CCDC102B: variants seen among roughly 807,000 people sequenced by gnomAD.
The protein encoded by CCDC102B is coiled-coil domain-containing protein 102B.
A neutral mutation model predicts 57.4 loss-of-function variants in CCDC102B; 75 were observed. The observed-to-expected ratio is 1.31, with a 90% confidence interval of 1.08 to 1.58. CCDC102B has a LOEUF of 1.58. Among genes scored for constraint, CCDC102B ranks in the 40% most tolerant of loss-of-function variants. CCDC102B has a pLI of 0.00. For synonymous variants in CCDC102B, 206 were observed against 201.9 expected (o/e 1.02, Z -0.17); for missense variants, 636 against 582.6 (o/e 1.09, Z -0.94).
intron 4 of CCDC102B, among the ~76,000 whole-genome samples, chr18:68,874,421 A>G (rs1463151931): frequency 1.3e-5 from 2 of 151,554 alleles, no homozygotes; most frequent in East Asian, 1.9e-4. Flanking sequence ...AGTTATGCCT[A>G]TTTTTCAACT....
Position 68,954,195 on chromosome 18 carries a change from G to A in CCDC102B, c.1264-56739G>A, listed in dbSNP as rs949043161. On this transcript the variant is annotated intron_variant, in intron 6 of 7. Coordinates refer to ENST00000360242, the MANE Select transcript of CCDC102B (RefSeq NM_024781.3). ...AGCACTTTGGGAGGCCAAGGCGGGC[G>A]GATCACCTGAGGTCAGGAGTTTGAG... 9.2e-5 allele frequency among the ~76,000 whole-genome samples: 14 copies of A among 152,182 alleles called. 1 individual carries two copies. The highest frequency in any genetic ancestry group is 2.1e-4 in the Non-Finnish European group (14 of 67,998).
chr18:68,841,109 G>T (rs2037610840), intron 3 of CCDC102B, among the ~76,000 whole-genome samples: 1 of 152,094 alleles, frequency 6.6e-6, no homozygotes. Context: ...TATCACAAGA[G>T]AACATTTTCC....
chr18:68,949,421 C>T lies in CCDC102B; in HGVS notation c.1263+51993C>T, dbSNP rs185398625. Among the ~76,000 whole-genome samples, 554 of 152,106 alleles carry T rather than the reference C, an allele frequency of 3.6e-3. 1 individual carries two copies. Among genetic ancestry groups the T allele is most frequent in the Non-Finnish European group, 5.4e-3 (364 of 67,994 alleles). The stretch of plus-strand genomic sequence containing the variant: ...GAGGCAATGATCTTTGCAAATATCC[C>T]GACAAGGGCAGTTTCCTGTAGAAGC... On this transcript the variant is annotated intron_variant, in intron 6 of 7. Coordinates refer to ENST00000360242, the MANE Select transcript of CCDC102B (RefSeq NM_024781.3).
chr18:68,966,146 C>T (rs1265469107), intron 6 of CCDC102B, among the ~76,000 whole-genome samples: 3 of 152,094 alleles, frequency 2.0e-5, no homozygotes, highest in Non-Finnish European at 4.4e-5. Flanking sequence ...TTTTTTTAAA[C>T]ATTCTCTTAT....
intron 6 of CCDC102B, among the ~76,000 whole-genome samples, chr18:68,906,930 T>TATACTTTG (rs1346435855): frequency 1.3e-5 from 2 of 151,978 alleles, no homozygotes. Context: ...CTGATACTTT[T>TATACTTTG]ATACTTTTAC....
At chr18:68,759,510 T>C (rs568069497) in intron 2 of CCDC102B, among the ~76,000 whole-genome samples, 109 of 152,086 alleles carry the variant, frequency 7.2e-4, no homozygotes, top group African/African-American at 2.5e-3. Context: ...AGATTAAGAA[T>C]CACATCAGAC....
intron 1 of CCDC102B, among the ~76,000 whole-genome samples, chr18:68,820,911 G>A (rs1734906328): frequency 6.6e-6 from 1 of 152,162 alleles, no homozygotes; most frequent in Non-Finnish European, 1.5e-5. Context: ...CCAGTGCTCA[G>A]AGATTACAGC....
chr18:69,046,848 A>C (rs1411741794), intron 7 of CCDC102B, among the ~76,000 whole-genome samples: 1 of 152,154 alleles, frequency 6.6e-6, no homozygotes, highest in East Asian at 1.9e-4. Flanking sequence ...TTTATTCAAT[A>C]GAGAGTCCTT....
At chr18:68,858,741 G>A (rs959000635) in intron 4 of CCDC102B, among the ~76,000 whole-genome samples, 1 of 152,034 alleles carries the variant, frequency 6.6e-6, no homozygotes, top group African/African-American at 2.4e-5. Flanking sequence ...TTTCTACCTT[G>A]CCACAGAGAA....
At chr18:68,777,566 C>A (rs2034864560) in intron 2 of CCDC102B, among the ~76,000 whole-genome samples, 1 of 152,128 alleles carries the variant, frequency 6.6e-6, no homozygotes, top group African/African-American at 2.4e-5. Flanking sequence ...TTTATTCTAG[C>A]TACTTAAAAT....
At chr18:68,719,073 G>C (rs2032184028) in intron 2 of CCDC102B, among the ~76,000 whole-genome samples, 1 of 152,004 alleles carries the variant, frequency 6.6e-6, no homozygotes, top group Admixed American at 6.6e-5. Context: ...AAAACTTAAA[G>C]TCATTGTTAT....
chr18:68,801,742 C>A (rs1367430837), intron 1 of CCDC102B, among the ~76,000 whole-genome samples: 1 of 152,040 alleles, frequency 6.6e-6, no homozygotes, highest in Non-Finnish European at 1.5e-5. Context: ...GGTAAAGAGG[C>A]AATAGTTGCA....
chr18:68,956,571 T>A (rs1286929933), intron 6 of CCDC102B, among the ~76,000 whole-genome samples: 1 of 5,240 alleles, frequency 1.9e-4, no homozygotes, highest in Non-Finnish European at 4.2e-4. Context: ...TATTATATAT[T>A]TTATATATAT....
At chr18:69,007,886 T>A (rs753492609) in intron 6 of CCDC102B, among the ~76,000 whole-genome samples, 1 of 152,236 alleles carries the variant, frequency 6.6e-6, no homozygotes, top group Non-Finnish European at 1.5e-5. Context: ...TTTTGGTCAT[T>A]CCTTCCTCTT....
chr18:69,001,626 A>G (rs1036976492), intron 6 of CCDC102B, among the ~76,000 whole-genome samples: 3 of 152,150 alleles, frequency 2.0e-5, no homozygotes, highest in African/African-American at 7.2e-5. Context: ...AACAGTGTGA[A>G]CCACTGTGAC....
At chr18:69,013,950 G>T (rs1247604221) in intron 7 of CCDC102B, among the ~76,000 whole-genome samples, 1 of 152,090 alleles carries the variant, frequency 6.6e-6, no homozygotes, top group Non-Finnish European at 1.5e-5. Flanking sequence ...CAAACCTAAT[G>T]CTAAAGCTCT....
At chr18:69,018,047 A>G (rs543782776) in intron 7 of CCDC102B, among the ~76,000 whole-genome samples, 13 of 151,702 alleles carry the variant, frequency 8.6e-5, no homozygotes, top group African/African-American at 3.1e-4. Flanking sequence ...CTGTGTGTGT[A>G]TGTGTATGTC....
chr18:68,838,533 G>A (rs983854829), intron 2 of CCDC102B, 173 bp from the exon 3 acceptor site: 3 of 985,196 alleles, frequency 3.0e-6, no homozygotes, highest in Non-Finnish European at 2.4e-6. Flanking sequence ...AAAAAAACAA[G>A]CTCAAAGAAG....
intron 6 of CCDC102B, among the ~76,000 whole-genome samples, chr18:68,936,420 T>C (rs2049239657): frequency 1.3e-5 from 2 of 152,024 alleles, no homozygotes; most frequent in African/African-American, 4.8e-5. Flanking sequence ...TATTTCTCAT[T>C]CATCTTCCAG....
Sources: allele counts gnomAD v4.1 joint callset (sites outside exome capture counted in the v4.1 genomes callset), GRCh38; gene constraint gnomAD v4.1.1; transcripts MANE v1.5; gene names NCBI Gene and HGNC (gene_info 2026-07-23, HGNC 2026-07-21).